HPSE: variants seen among roughly 807,000 people sequenced by gnomAD.
HPSE encodes endo-glucoronidase.
In HPSE, 48 loss-of-function variants were observed where a neutral mutation model predicts 65.1. The ratio of observed to expected loss-of-function variants is 0.74; its 90% CI spans 0.58 to 0.94. HPSE has a LOEUF of 0.94. Ranked by LOEUF, HPSE falls within the 40% of genes least tolerant of loss-of-function variation. The pLI, the probability that HPSE is intolerant of heterozygous loss-of-function variation, is 0.00. For missense variants in HPSE, 644 were observed against 637.5 expected, an observed-to-expected ratio of 1.01 and a Z score of -0.11; for synonymous variants, 243 against 260.0, an observed-to-expected ratio of 0.93 and a Z score of 0.63.
At chr4:83,327,124 C>T (rs925638165) in intron 1 of HPSE, among the ~76,000 whole-genome samples, 25 of 152,208 alleles carry the variant, frequency 1.6e-4, no homozygotes, top group African/African-American at 5.8e-4. Context: ...ACCTGACTGA[C>T]TTATCAGAAT....
At chr4:83,303,489 A>T (rs1441188607) in intron 9 of HPSE, among the ~76,000 whole-genome samples, 1 of 152,222 alleles carries the variant, frequency 6.6e-6, no homozygotes, top group Non-Finnish European at 1.5e-5. Context: ...GATACTAAGG[A>T]ATTATTGTTA....
rs769435520 is a variant in HPSE at position 83,334,764 on chromosome 4, G to T, written c.19C>A (p.Pro7Thr). Residue 7 changes from proline (P) to threonine (T), a missense_variant, in exon 1 of 12, where the codon CCT becomes ACT. Transcript: ENST00000311412. The stretch of plus-strand genomic sequence containing the variant: ...AGCATCAGCGGCGGCGGCAGCGCAG[G>T]CTTCGAGCGCAGCAGCATCTTGGGC... MLLRSK[P>T]ALPPPLMLLL... 6.5e-6 allele frequency: 10 copies of T among 1,548,852 alleles called. No homozygotes were observed. The highest frequency in any genetic ancestry group is 7.9e-6 in the Non-Finnish European group (9 of 1,146,332).
chr4:83,301,177 G>C (rs930551143), intron 10 of HPSE, 71 bp from the exon 11 acceptor site: 1 of 954,186 alleles, frequency 1.0e-6, no homozygotes, highest in Non-Finnish European at 1.6e-6. Flanking sequence ...AATTACAAAT[G>C]TGATCCTAAG....
Position 83,295,425 on chromosome 4 carries a change from C to A in HPSE, c.1551G>T (p.Arg517=). The change falls in exon 12 of 12, where the codon CGG becomes CGT. Residue 517 remains arginine, a synonymous_variant. Transcript: ENST00000311412. The stretch of plus-strand genomic sequence containing the variant: ...CTGGCAAGCCCAGTGAACTTCCTGG[C>A]CGGAGAGGTTTTTCCATTAAAGGTG... The part of the protein sequence containing the change: ...TLPPLMEKPL[R]PGSSLGLPAF... 1 of 1,613,282 alleles carries A rather than the reference C, an allele frequency of 6.2e-7. No individual in the cohort carries two copies. The highest frequency in any genetic ancestry group is 8.5e-7 in the Non-Finnish European group (1 of 1,179,486).
chr4:83,307,516 A>G (rs1425449692), intron 8 of HPSE, among the ~76,000 whole-genome samples: 2 of 152,196 alleles, frequency 1.3e-5, no homozygotes, highest in African/African-American at 4.8e-5. Context: ...GGGTGAGACA[A>G]ATTCCCACCT....
chr4:83,317,785 G>T (rs1003281525), intron 3 of HPSE, among the ~76,000 whole-genome samples: 1 of 152,056 alleles, frequency 6.6e-6, no homozygotes, highest in East Asian at 1.9e-4. Flanking sequence ...TAATACAACT[G>T]GGTCTTCTCC....
intron 5 of HPSE, 22 bp from the exon 6 acceptor site, chr4:83,310,100 C>G: frequency 6.4e-7 from 1 of 1,561,080 alleles, no homozygotes; most frequent in Non-Finnish European, 8.8e-7. Flanking sequence ...ATTTTATTAT[C>G]ACTCAGTCAT....
intron 4 of HPSE, among the ~76,000 whole-genome samples, chr4:83,311,129 T>C (rs1273549668): frequency 6.7e-6 from 1 of 149,786 alleles, no homozygotes. Flanking sequence ...GGTAACATAG[T>C]AAAGCCCTGT....
chr4:83,315,937 A>C (rs1271226491), intron 3 of HPSE, among the ~76,000 whole-genome samples: 1 of 152,208 alleles, frequency 6.6e-6, no homozygotes, highest in African/African-American at 2.4e-5. Context: ...TCGAAATTCT[A>C]TTATACACCC....
intron 8 of HPSE, 102 bp downstream of exon 8, chr4:83,308,743 A>G (rs1308513136): frequency 1.2e-6 from 1 of 851,224 alleles, no homozygotes; most frequent in Non-Finnish European, 1.9e-6. Context: ...AGCCACTGAA[A>G]TGGTCTTTGA....
Position 83,310,710 on chromosome 4 carries a change from T to C in HPSE, c.842+12A>G, listed in dbSNP as rs1199663219. The C allele has an allele frequency of 1.2e-6, 2 of 1,604,704 alleles. No homozygotes were observed. The highest frequency in any genetic ancestry group is 3.5e-5 in the Admixed American group (2 of 57,484). On this transcript the variant is annotated intron_variant, in intron 5 of 11. Coordinates refer to ENST00000311412, the MANE Select transcript of HPSE (RefSeq NM_001098540.3). ...AGAAAAGTAAAGTGATTCTGCATCCTCTAGTTCCTACCTCTTCAGCATCTT... is the reference window on the plus strand; with the variant it reads ...AGAAAAGTAAAGTGATTCTGCATCCCCTAGTTCCTACCTCTTCAGCATCTT...
chr4:83,303,376 A>G (rs11099591), intron 9 of HPSE, among the ~76,000 whole-genome samples: 140,866 of 152,198 alleles, frequency 0.93, 66,161 homozygotes, highest in East Asian at 1. Context: ...TAAGAGACTT[A>G]TCAACCAAAT....
chr4:83,312,657 G>T (rs533166387), intron 4 of HPSE, among the ~76,000 whole-genome samples: 4 of 122,618 alleles, frequency 3.3e-5, no homozygotes, highest in Admixed American at 1.7e-4. Flanking sequence ...CAGCCTGGGC[G>T]ACAGAGCGAG....
chr4:83,310,729 G>T lies in HPSE; in HGVS notation c.835C>A (p.Leu279Met). 2 of 1,610,856 alleles carry T rather than the reference G, an allele frequency of 1.2e-6. No individual in the cohort carries two copies. Among genetic ancestry groups the T allele is most frequent in the Non-Finnish European group, 1.7e-6 (2 of 1,178,924 alleles). The change falls in exon 5 of 12, where the codon CTG (leucine) becomes ATG (methionine). Residue 279 changes from leucine (L) to methionine (M), a missense_variant. Physicochemically the swap from Leu to Met is conservative, Grantham distance 15. Coordinates refer to ENST00000311412, the MANE Select transcript of HPSE (RefSeq NM_001098540.3). Reference sequence around the variant, plus strand: ...GCATCCTCTAGTTCCTACCTCTTCAGCATCTTAGCCGTCTTTCTTCGAGGC... The same window carrying T: ...GCATCCTCTAGTTCCTACCTCTTCATCATCTTAGCCGTCTTTCTTCGAGGC... ...GQPRRKTAKMLKSFLKAGGEV... is the reference protein window; with the variant it reads ...GQPRRKTAKMMKSFLKAGGEV...
chr4:83,334,853 C>G, upstream of HPSE: 1 of 1,438,132 alleles, frequency 7.0e-7, no homozygotes, highest in Non-Finnish European at 9.1e-7. Flanking sequence ...AGCACTTCCT[C>G]CCGCCGAGCC....
intron 11 of HPSE, among the ~76,000 whole-genome samples, chr4:83,299,103 C>T (rs1019698824): frequency 2.6e-5 from 4 of 152,022 alleles, no homozygotes; most frequent in South Asian, 2.1e-4. Context: ...GTGGCTCACT[C>T]GTGTAATCCT....
chr4:83,322,319 G>A lies in HPSE; in HGVS notation c.273C>T (p.Tyr91=). ...RTLARGLSPA[Y]LRFGGTKTDF... ...CTGTCTTGGTGCCACCAAACCTCAGGTACGCAGGAGACAAGCCTCTGGCCA... is the reference window on the plus strand; with the variant it reads ...CTGTCTTGGTGCCACCAAACCTCAGATACGCAGGAGACAAGCCTCTGGCCA... Residue 91 remains tyrosine (Y), a synonymous_variant, in exon 2 of 12, where the codon TAC becomes TAT. Coordinates refer to ENST00000311412, the MANE Select transcript of HPSE (RefSeq NM_001098540.3). 1 of 1,613,648 alleles carries A rather than the reference G, an allele frequency of 6.2e-7. No homozygotes were observed. The highest frequency in any genetic ancestry group is 8.5e-7 in the Non-Finnish European group (1 of 1,179,708).
At chr4:83,301,674 G>A (rs1315932193) in intron 10 of HPSE, among the ~76,000 whole-genome samples, 2 of 152,080 alleles carry the variant, frequency 1.3e-5, no homozygotes, top group Non-Finnish European at 2.9e-5. Context: ...GCTAGAATTA[G>A]TATTTCAGCA....
chr4:83,332,399 T>C lies in HPSE; in HGVS notation c.227+2157A>G, dbSNP rs77352518. On this transcript the variant is annotated intron_variant, in intron 1 of 11. Coordinates refer to ENST00000311412, the MANE Select transcript of HPSE (RefSeq NM_001098540.3). Reference sequence around the variant, plus strand: ...ATAACACTCTGGGTGTGCTTGTCGATGCGTCTGGGGAGCAGGTATGGCAGA... The same window carrying C: ...ATAACACTCTGGGTGTGCTTGTCGACGCGTCTGGGGAGCAGGTATGGCAGA... Among the ~76,000 whole-genome samples the C allele has an allele frequency of 3.0e-4, 46 of 152,364 alleles. 1 individual carries two copies. The East Asian group carries it at 7.1e-3, about 24-fold the overall frequency.
Sources: allele counts gnomAD v4.1 joint callset (sites outside exome capture counted in the v4.1 genomes callset), GRCh38; gene constraint gnomAD v4.1.1; transcripts MANE v1.5; gene names NCBI Gene and HGNC (gene_info 2026-07-23, HGNC 2026-07-21).